The following ANKS1A variants were observed in gnomAD, a reference collection of about 807,000 sequenced individuals.
ANKS1A encodes ankyrin repeat and SAM domain-containing protein 1A.
In ANKS1A, 55 loss-of-function variants were observed where a neutral mutation model predicts 120.3. The ratio of observed to expected loss-of-function variants is 0.46; its 90% CI spans 0.37 to 0.57. ANKS1A has a LOEUF of 0.57. ANKS1A is among the 20% of genes least tolerant of loss of function. ANKS1A has a pLI of 0.00. For missense variants in ANKS1A, 1,123 were observed against 1,480.3 expected (o/e 0.76, Z 3.96); for synonymous variants, 590 against 604.7 (o/e 0.98, Z 0.36).
chr6:35,082,966 G>A lies in ANKS1A; in HGVS notation c.2835+150G>A, dbSNP rs973003725. On this transcript the variant is annotated intron_variant, in intron 18 of 23. Coordinates refer to ENST00000360359, the MANE Select transcript of ANKS1A (RefSeq NM_015245.3). The surrounding 1 kb of genome is among the most constrained non-coding windows in gnomAD (Gnocchi z 4.1). ...CTCAGCCACTCTTGACAGCTAAGGC[G>A]AAGGGGTGGAGGCCTCTGGATCCTT... is the stretch of plus-strand genomic sequence containing the variant. 36 of 1,385,988 alleles carry A rather than the reference G, an allele frequency of 2.6e-5. No homozygotes were observed. The highest frequency in any genetic ancestry group is 1.8e-4 in the Middle Eastern group (1 of 5,416). The allele number at this position is 1,385,988 out of a possible 1,614,324, so 85.9% of individuals were successfully genotyped here.
chr6:35,085,757 TC>T lies in ANKS1A; in HGVS notation c.3133-7del. The stretch of plus-strand genomic sequence containing the variant: ...CCAGGTGCTTAAGTGGTGATCTGCT[TC>T]CTCCCAGAACCTGACCTACGAGATC... On this transcript the variant is annotated splice_region_variant and splice_polypyrimidine_tract_variant and intron_variant, in intron 21 of 23. Coordinates refer to ENST00000360359, the MANE Select transcript of ANKS1A (RefSeq NM_015245.3). The surrounding 1 kb of genome is among the most constrained non-coding windows in gnomAD (Gnocchi z 4.7). 1 of 1,572,016 alleles carries T rather than the reference TC, an allele frequency of 6.4e-7. No individual in the cohort carries two copies.
At chr6:35,072,577 A>G (rs369321672) in intron 13 of ANKS1A, among the ~76,000 whole-genome samples, 2 of 152,164 alleles carry the variant, frequency 1.3e-5, no homozygotes, top group South Asian at 2.1e-4. Context: ...TGCCCGTGCT[A>G]TGTATCCAGA....
chr6:34,924,738 A>T (rs1229226678), intron 1 of ANKS1A, among the ~76,000 whole-genome samples: 1 of 152,210 alleles, frequency 6.6e-6, no homozygotes, highest in Non-Finnish European at 1.5e-5. Context: ...AATATTCAAG[A>T]TTCCTGATTT....
intron 11 of ANKS1A, among the ~76,000 whole-genome samples, chr6:35,025,993 G>T (rs1013443975): frequency 1.3e-5 from 2 of 152,094 alleles, no homozygotes; most frequent in Non-Finnish European, 2.9e-5. Context: ...AGCAAAAGGA[G>T]AATTTTCCTT....
chr6:34,967,170 A>ATC, intron 1 of ANKS1A, 69 bp from the exon 2 acceptor site: 6 of 1,472,396 alleles, frequency 4.1e-6, no homozygotes, highest in Non-Finnish European at 5.6e-6. Context: ...TTAGCTAGCT[A>ATC]TCTCTAACTT....
chr6:35,022,781 A>G (rs1033760497), intron 11 of ANKS1A, among the ~76,000 whole-genome samples: 1 of 152,234 alleles, frequency 6.6e-6, no homozygotes, highest in Non-Finnish European at 1.5e-5. Flanking sequence ...CATTCAATAC[A>G]TATCCAAATT....
chr6:35,043,958 AT>A (rs2127579355), intron 11 of ANKS1A, among the ~76,000 whole-genome samples: 1 of 152,364 alleles, frequency 6.6e-6, no homozygotes, highest in African/African-American at 2.4e-5. Context: ...TCAAGAGCAC[AT>A]TTTAAAAAAT....
intron 1 of ANKS1A, among the ~76,000 whole-genome samples, chr6:34,924,353 A>G (rs140240899): frequency 5.7e-4 from 87 of 152,276 alleles, no homozygotes; most frequent in African/African-American, 2.0e-3. Context: ...GAAGATTTGT[A>G]TACATTCTCT....
chr6:35,018,174 C>T, intron 11 of ANKS1A, 115 bp downstream of exon 11: 1 of 1,020,934 alleles, frequency 9.8e-7, no homozygotes, highest in Non-Finnish European at 1.5e-6. Flanking sequence ...TGCTCTGGTT[C>T]CTTCACTCCG....
intron 5 of ANKS1A, 45 bp from the exon 6 acceptor site, chr6:34,983,068 C>G (rs201527086): frequency 3.2e-5 from 50 of 1,578,096 alleles, no homozygotes; most frequent in Non-Finnish European, 4.2e-5. Flanking sequence ...TGGAGGCTGG[C>G]TTGAAAATGC....
At chr6:34,956,963 C>T (rs1370775859) in intron 1 of ANKS1A, among the ~76,000 whole-genome samples, 1 of 152,202 alleles carries the variant, frequency 6.6e-6, no homozygotes, top group Non-Finnish European at 1.5e-5. Context: ...CTCCCCGTCC[C>T]TGGCCTCCTC....
intron 11 of ANKS1A, among the ~76,000 whole-genome samples, chr6:35,033,932 C>T (rs1449285503): frequency 2.0e-5 from 3 of 152,162 alleles, no homozygotes; most frequent in Non-Finnish European, 2.9e-5. Context: ...TGTTAGAAGT[C>T]ATCAGTGGTG....
chr6:34,992,576 C>T (rs1293805499), intron 9 of ANKS1A, among the ~76,000 whole-genome samples: 1 of 152,204 alleles, frequency 6.6e-6, no homozygotes, highest in East Asian at 1.9e-4. Flanking sequence ...CGTAAACCTG[C>T]AGAACACAAA....
intron 11 of ANKS1A, among the ~76,000 whole-genome samples, chr6:35,024,689 C>A (rs1011971434): frequency 9.9e-5 from 15 of 152,190 alleles, no homozygotes; most frequent in African/African-American, 2.9e-4. Flanking sequence ...TGGGAGGGCA[C>A]CCTTTCAGGC....
In ANKS1A at chr6:35,085,291, A is replaced by G. The variant is rs982118865; in HGVS notation, c.3133-475A>G. Among the ~76,000 whole-genome samples the G allele has an allele frequency of 2.0e-5, 3 of 151,938 alleles. No homozygotes were observed. The highest frequency in any genetic ancestry group is 7.3e-5 in the African/African-American group (3 of 41,324). ...CCTGTTGCTGACTTTTCCCACATAC[A>G]CTCAGTTCTGCTGTAACGCCACACA... On this transcript the variant is annotated intron_variant, in intron 21 of 23. Transcript: ENST00000360359. This position sits in a 1 kb window ranked among gnomAD's most constrained non-coding sequence, Gnocchi z 4.7.
intron 1 of ANKS1A, among the ~76,000 whole-genome samples, chr6:34,965,752 CTT>C (rs539948587): frequency 2.1e-5 from 3 of 143,494 alleles, no homozygotes; most frequent in Non-Finnish European, 3.1e-5. Context: ...CTGTCATTGT[CTT>C]TTTTTTTTTT....
intron 11 of ANKS1A, among the ~76,000 whole-genome samples, chr6:35,027,296 A>G (rs1253181980): frequency 6.6e-6 from 1 of 152,124 alleles, no homozygotes; most frequent in Non-Finnish European, 1.5e-5. Flanking sequence ...CACCACAAAT[A>G]ATTTGCCCTG....
chr6:35,004,435 C>T (rs1004337419), intron 10 of ANKS1A, among the ~76,000 whole-genome samples: 1 of 151,870 alleles, frequency 6.6e-6, no homozygotes, highest in Non-Finnish European at 1.5e-5. Flanking sequence ...CCAGCCAGAA[C>T]AACATAGCAA....
intron 1 of ANKS1A, among the ~76,000 whole-genome samples, chr6:34,964,384 AAC>A (rs1168241562): frequency 6.6e-6 from 1 of 152,160 alleles, no homozygotes; most frequent in Non-Finnish European, 1.5e-5. Context: ...AGTGCTCCCT[AAC>A]ACAGAGATTT....
Sources: allele counts gnomAD v4.1 joint callset (sites outside exome capture counted in the v4.1 genomes callset), GRCh38; gene constraint gnomAD v4.1.1; non-coding constraint Gnocchi (gnomAD v3.1); transcripts MANE v1.5; gene names NCBI Gene and HGNC (gene_info 2026-07-23, HGNC 2026-07-21).